DGKB: variants seen among roughly 807,000 people sequenced by gnomAD.
DGKB encodes 90 kDa diacylglycerol kinase.
In DGKB, 67 loss-of-function variants were observed where a neutral mutation model predicts 114.3. That is an observed-to-expected ratio of 0.59 (90% CI 0.48 to 0.72). The LOEUF (loss-of-function observed/expected upper bound fraction) is 0.72, where lower values mean the gene tolerates loss of function less well. Among genes scored for constraint, DGKB ranks in the 30% least tolerant of loss-of-function variants. DGKB has a pLI of 0.00. For synonymous variants in DGKB, 398 were observed against 323.1 expected, an observed-to-expected ratio of 1.23 and a Z score of -2.49; for missense variants, 907 against 975.2, an observed-to-expected ratio of 0.93 and a Z score of 0.93.
At chr7:14,604,137 AAAC>A (rs1804047151) in intron 17 of DGKB, among the ~76,000 whole-genome samples, 2 of 152,162 alleles carry the variant, frequency 1.3e-5, no homozygotes, top group South Asian at 4.1e-4. Flanking sequence ...ATTAGGAAAG[AAAC>A]AACTTATTTG....
At chr7:14,579,297 G>T (rs1184121507) in intron 19 of DGKB, among the ~76,000 whole-genome samples, 3 of 152,124 alleles carry the variant, frequency 2.0e-5, no homozygotes, top group African/African-American at 7.2e-5. Flanking sequence ...ATCACTAATA[G>T]ATTCTTTGAC....
At chr7:14,156,323 G>T (rs1342358225) in intron 25 of DGKB, among the ~76,000 whole-genome samples, 1 of 152,064 alleles carries the variant, frequency 6.6e-6, no homozygotes, top group Non-Finnish European at 1.5e-5. Context: ...TATTTAAGTA[G>T]TCATTCATAT....
chr7:14,506,818 T>C (rs1413828282), intron 20 of DGKB, among the ~76,000 whole-genome samples: 7 of 152,236 alleles, frequency 4.6e-5, no homozygotes, highest in Non-Finnish European at 8.8e-5. Context: ...CTTGATACCC[T>C]GTAATTTGCT....
intron 21 of DGKB, among the ~76,000 whole-genome samples, chr7:14,357,093 CT>C (rs1398722415): frequency 6.6e-6 from 1 of 152,190 alleles, no homozygotes; most frequent in African/African-American, 2.4e-5. Context: ...GTGCAGAGTT[CT>C]GTGGATGTCT....
At chr7:14,501,988 T>C (rs1406784487) in intron 20 of DGKB, among the ~76,000 whole-genome samples, 1 of 151,854 alleles carries the variant, frequency 6.6e-6, no homozygotes, top group Non-Finnish European at 1.5e-5. Context: ...GGGATTGCAA[T>C]ATATTTTTGG....
intron 13 of DGKB, among the ~76,000 whole-genome samples, chr7:14,635,583 T>A (rs1810589824): frequency 6.6e-6 from 1 of 151,480 alleles, no homozygotes; most frequent in South Asian, 2.1e-4. Flanking sequence ...CAAAACACAT[T>A]TCAAAATGAA....
chr7:14,220,861 T>A (rs2128322787), intron 23 of DGKB, among the ~76,000 whole-genome samples: 1 of 151,624 alleles, frequency 6.6e-6, no homozygotes, highest in African/African-American at 2.4e-5. Flanking sequence ...TTTAAAAATT[T>A]CTTTCAATGA....
intron 21 of DGKB, among the ~76,000 whole-genome samples, chr7:14,375,884 T>C (rs2128665796): frequency 6.6e-6 from 1 of 152,350 alleles, no homozygotes; most frequent in Non-Finnish European, 1.5e-5. Flanking sequence ...ATTTGTTGAA[T>C]AAAGGATGAG....
At chr7:14,903,917 A>T (rs566681512), upstream of DGKB, among the ~76,000 whole-genome samples, 8 of 152,234 alleles carry the variant, frequency 5.3e-5, no homozygotes, top group South Asian at 1.5e-3. Flanking sequence ...TAACTTATCT[A>T]TATAATATTC....
At chr7:14,800,903 G>A (rs1842064543) in intron 2 of DGKB, among the ~76,000 whole-genome samples, 2 of 152,138 alleles carry the variant, frequency 1.3e-5, no homozygotes, top group African/African-American at 4.8e-5. Context: ...ACCCCGCCAG[G>A]AAAAGAGCCA....
chr7:14,510,682 G>T (rs548146644), intron 20 of DGKB, among the ~76,000 whole-genome samples: 2 of 152,180 alleles, frequency 1.3e-5, no homozygotes, highest in African/African-American at 4.8e-5. Flanking sequence ...ATCCTTTCCA[G>T]AAAGGTGTAC....
At chr7:14,230,803 A>G (rs1791603184) in intron 23 of DGKB, among the ~76,000 whole-genome samples, 1 of 151,900 alleles carries the variant, frequency 6.6e-6, no homozygotes, top group South Asian at 2.1e-4. Flanking sequence ...ACACATTACT[A>G]CCTCTGTCTG....
At position 14,149,058 on chromosome 7, in the gene DGKB, C is replaced by T; in HGVS notation, c.*73G>A. The T allele has an allele frequency of 7.5e-7, 1 of 1,329,914 alleles. No individual in the cohort carries two copies. The highest frequency in any genetic ancestry group is 1.1e-6 in the Non-Finnish European group (1 of 923,762). 82.4% of individuals were successfully genotyped at this position (1,329,914 alleles called of 1,614,324 possible). ...CATGAGCAGGAGACTTGAAATGGTT[C>T]AAAGATTTCCAGCATATGTGTTCCA... On this transcript the variant is annotated 3_prime_UTR_variant, in exon 26 of 26. Transcript: ENST00000402815.
chr7:14,529,915 A>G (rs138146787), intron 20 of DGKB, among the ~76,000 whole-genome samples: 3 of 151,886 alleles, frequency 2.0e-5, no homozygotes, highest in East Asian at 1.9e-4. Context: ...TTAGATACAA[A>G]TACTTAGTCA....
intron 21 of DGKB, among the ~76,000 whole-genome samples, chr7:14,373,387 GTAAC>G (rs1199137845): frequency 6.6e-6 from 1 of 152,140 alleles, no homozygotes; most frequent in Non-Finnish European, 1.5e-5. Context: ...TTGTGAAACA[GTAAC>G]TGTTGTATTG....
intron 21 of DGKB, among the ~76,000 whole-genome samples, chr7:14,381,202 T>C (rs1017451691): frequency 3.9e-5 from 6 of 152,188 alleles, no homozygotes; most frequent in African/African-American, 1.4e-4. Context: ...ATCAATAAGG[T>C]AGAGCCTCTT....
At chr7:14,338,859 T>C in intron 22 of DGKB, 149 bp from the exon 23 acceptor site, 1 of 464,532 alleles carries the variant, frequency 2.2e-6, no homozygotes, top group Non-Finnish European at 3.6e-6. Flanking sequence ...ACTTAAACAC[T>C]TACCCTGAGT....
At chr7:14,828,500 C>A (rs1289988474) in intron 2 of DGKB, among the ~76,000 whole-genome samples, 1 of 152,098 alleles carries the variant, frequency 6.6e-6, no homozygotes, top group Non-Finnish European at 1.5e-5. Flanking sequence ...AGGGGCGTAA[C>A]AACATGGGCA....
intron 21 of DGKB, among the ~76,000 whole-genome samples, chr7:14,439,965 C>A (rs2128809900): frequency 6.6e-6 from 1 of 151,572 alleles, no homozygotes; most frequent in South Asian, 2.1e-4. Context: ...CTACTTGAGA[C>A]CATCATTACA....
Sources: allele counts gnomAD v4.1 joint callset (sites outside exome capture counted in the v4.1 genomes callset), GRCh38; gene constraint gnomAD v4.1.1; transcripts MANE v1.5; gene names NCBI Gene and HGNC (gene_info 2026-07-23, HGNC 2026-07-21).